The following ARHGEF18 variants were observed in gnomAD, a reference collection of about 807,000 sequenced individuals.
ARHGEF18 encodes the protein Rho/Rac guanine nucleotide exchange factor 18.
A neutral mutation model predicts 155.7 loss-of-function variants in ARHGEF18; 93 were observed. The ratio of observed to expected loss-of-function variants is 0.60; its 90% CI spans 0.50 to 0.71. ARHGEF18 has a LOEUF of 0.71. ARHGEF18 is among the 30% of genes least tolerant of loss of function. ARHGEF18 has a pLI of 0.00. For synonymous variants in ARHGEF18, 742 were observed against 753.1 expected (o/e 0.99, Z 0.24); for missense variants, 1,593 against 1,816.1 (o/e 0.88, Z 2.23).
chr19:7,455,431 G>T (rs1327793814), intron 17 of ARHGEF18, among the ~76,000 whole-genome samples: 2 of 152,192 alleles, frequency 1.3e-5, no homozygotes, highest in African/African-American at 2.4e-5. Flanking sequence ...AAGTGGCGTT[G>T]CCCTTGAAAC....
At chr19:7,413,294 CT>C (rs71179106) in intron 10 of ARHGEF18, among the ~76,000 whole-genome samples, 75,585 of 138,154 alleles carry the variant, frequency 0.55, 20,342 homozygotes, top group East Asian at 0.73. Context: ...AAACAAAAAG[CT>C]TTTTTTTTTT....
At chr19:7,411,299 T>TCCCCC (rs1568309357) in intron 10 of ARHGEF18, among the ~76,000 whole-genome samples, 1 of 67,358 alleles carries the variant, frequency 1.5e-5, no homozygotes, top group African/African-American at 4.5e-5. Context: ...TCCCCTCCCC[T>TCCCCC]TCCCTTTTCT....
chr19:7,442,020 G>A lies in ARHGEF18; in HGVS notation c.1328G>A (p.Arg443Lys). ...VDAAYAKKQK[R>K]EVVKRQDVLY... ...GCAGCCTACGCCAAGAAGCAAAAGA[G>A]GGAGGTGGTGAAAAGACAAGATGTC... The change falls in exon 13 of 29, where the codon AGG becomes AAG. Residue 443 changes from arginine (R) to lysine (K), a missense_variant. Transcript: ENST00000668164. 1.2e-6 allele frequency: 2 copies of A among 1,614,128 alleles called. No individual in the cohort carries two copies. The highest frequency in any genetic ancestry group is 1.7e-5 in the Admixed American group (1 of 60,004).
Position 7,444,241 on chromosome 19 carries a change from C to T in ARHGEF18, c.1398C>T (p.Leu466=), listed in dbSNP as rs769911618. 5 of 1,613,448 alleles carry T rather than the reference C, an allele frequency of 3.1e-6. No individual in the cohort carries two copies. The South Asian group carries it at 5.5e-5, about 18-fold the overall frequency. Residue 466 remains leucine, a synonymous_variant, in exon 14 of 29, where the codon CTC becomes CTT. Coordinates refer to ENST00000668164, the MANE Select transcript of ARHGEF18 (RefSeq NM_001367823.1). The surrounding 1 kb of genome is among the most constrained non-coding windows in gnomAD (Gnocchi z 4.7). Reference sequence around the variant, plus strand: ...CAGAGGTGCACCACGTGCGGACGCTCAAGATCATGCTGAAGGTGTACTCCA... The same window carrying T: ...CAGAGGTGCACCACGTGCGGACGCTTAAGATCATGCTGAAGGTGTACTCCA... ...MQTEVHHVRT[L]KIMLKVYSRA... is the part of the protein sequence containing the mutation.
Position 7,471,718 on chromosome 19 carries a change from G to A in ARHGEF18, c.*1420G>A, listed in dbSNP as rs1977030558. On this transcript the variant is annotated 3_prime_UTR_variant, in exon 29 of 29. Transcript: ENST00000668164. This position sits in a 1 kb window ranked among gnomAD's most constrained non-coding sequence, Gnocchi z 4.4. Reference sequence around the variant, plus strand: ...AAGGGAGGGGAAACTCCATCAGGAAGTGCTCCCCTGGGCAGAGGCGCCCAC... The same window carrying A: ...AAGGGAGGGGAAACTCCATCAGGAAATGCTCCCCTGGGCAGAGGCGCCCAC... 1 of 152,286 alleles carries A rather than the reference G, an allele frequency of 6.6e-6. No homozygotes were observed. The highest frequency in any genetic ancestry group is 2.4e-5 in the African/African-American group (1 of 41,462). The allele number at this position is 152,286 out of a possible 1,614,324, so 9.4% of individuals were successfully genotyped here. A position where few individuals can be genotyped will look rare whatever the true frequency, so the allele number is the denominator to read the frequency against.
chr19:7,421,664 G>A (rs1180675340), intron 10 of ARHGEF18, among the ~76,000 whole-genome samples: 5 of 152,034 alleles, frequency 3.3e-5, no homozygotes, highest in Non-Finnish European at 7.4e-5. Context: ...TGGGAGGCTG[G>A]GACAGGAGGA....
intron 19 of ARHGEF18, 116 bp downstream of exon 19, chr19:7,458,806 G>A (rs896904184): frequency 1.7e-6 from 2 of 1,210,140 alleles, no homozygotes; most frequent in African/African-American, 3.1e-5. Flanking sequence ...CCCAGCTTGG[G>A]ACCCATGACG....
intron 10 of ARHGEF18, among the ~76,000 whole-genome samples, chr19:7,386,437 A>T (rs559306793): frequency 1.3e-5 from 2 of 150,866 alleles, no homozygotes; most frequent in African/African-American, 4.8e-5. Context: ...CCAAGTTGCC[A>T]CGTGTCCTCT....
chr19:7,389,678 C>T (rs534022071), intron 10 of ARHGEF18, among the ~76,000 whole-genome samples: 3 of 151,878 alleles, frequency 2.0e-5, no homozygotes, highest in East Asian at 1.9e-4. Flanking sequence ...GGATTACAGG[C>T]GTATGCCACC....
chr19:7,476,754 C>A (rs531397377), downstream of ARHGEF18: 1 of 159,184 alleles, frequency 6.3e-6, no homozygotes, highest in Admixed American at 6.5e-5. Flanking sequence ...AGAGGACCCA[C>A]CGGGCTGAGG....
chr19:7,415,300 G>A (rs1486226661), intron 10 of ARHGEF18, among the ~76,000 whole-genome samples: 3 of 151,682 alleles, frequency 2.0e-5, no homozygotes. Flanking sequence ...CCTCCTGAGC[G>A]CAACACCCCG....
At chr19:7,351,825 G>T (rs959955732) in intron 1 of ARHGEF18, among the ~76,000 whole-genome samples, 1 of 151,688 alleles carries the variant, frequency 6.6e-6, no homozygotes, top group Non-Finnish European at 1.5e-5. Flanking sequence ...CTCCTGAGTA[G>T]CTGGGATTAT....
At chr19:7,435,063 G>T (rs942198672) in intron 10 of ARHGEF18, among the ~76,000 whole-genome samples, 16 of 152,116 alleles carry the variant, frequency 1.1e-4, no homozygotes, top group African/African-American at 3.9e-4. Context: ...TTAGCTGGGC[G>T]TGGTGGCAGG....
At position 7,419,536 on chromosome 19, in the gene ARHGEF18, CT is replaced by C. The variant is rs371645257; in HGVS notation, c.968-20807del. On this transcript the variant is annotated intron_variant, in intron 10 of 28. Transcript: ENST00000668164. ...CCTCCAGCCTGTCTCAGAAGGACCC[CT>C]CTCTCCCTACCCTTGCCTGCTGCAG... 1.6e-4 allele frequency among the ~76,000 whole-genome samples: 24 copies of C among 152,184 alleles called. No individual in the cohort carries two copies. The East Asian group carries it at 2.7e-3, about 17-fold the overall frequency.
intron 16 of ARHGEF18, among the ~76,000 whole-genome samples, chr19:7,451,482 C>T (rs1975466300): frequency 6.7e-6 from 1 of 148,394 alleles, no homozygotes; most frequent in Non-Finnish European, 1.5e-5. Flanking sequence ...AATCATAGCT[C>T]ATTGCACAGC....
chr19:7,458,011 G>A (rs1297211667), intron 18 of ARHGEF18, among the ~76,000 whole-genome samples: 1 of 152,032 alleles, frequency 6.6e-6, no homozygotes, highest in African/African-American at 2.4e-5. Context: ...ATACTAAGGG[G>A]CAAGATGGCT....
At chr19:7,349,979 G>T (rs549916023) in intron 1 of ARHGEF18, among the ~76,000 whole-genome samples, 5 of 152,252 alleles carry the variant, frequency 3.3e-5, no homozygotes, top group African/African-American at 9.6e-5. Context: ...GCCCTGAGAA[G>T]GGTCTTGTCC....
chr19:7,387,779 C>T (rs1248374016), intron 10 of ARHGEF18, among the ~76,000 whole-genome samples: 2 of 152,108 alleles, frequency 1.3e-5, no homozygotes, highest in South Asian at 2.1e-4. Flanking sequence ...AAGCGATTCT[C>T]ACGCCTCAGC....
chr19:7,376,758 G>A lies in ARHGEF18; in HGVS notation c.541+1G>A, dbSNP rs759785578. On this transcript the variant is annotated splice_donor_variant, in intron 5 of 28. Coordinates refer to ENST00000668164, the MANE Select transcript of ARHGEF18 (RefSeq NM_001367823.1). LOFTEE classifies it high-confidence loss of function. Reference sequence around the variant, plus strand: ...GAAGTGCCCACTCCACCTGTTCAAGGTAGCCAGCCTGGGAGTTTCCTTCAT... The same window carrying A: ...GAAGTGCCCACTCCACCTGTTCAAGATAGCCAGCCTGGGAGTTTCCTTCAT... 2 of 1,234,084 alleles carry A rather than the reference G, an allele frequency of 1.6e-6. No homozygotes were observed. The highest frequency in any genetic ancestry group is 2.0e-6 in the Non-Finnish European group (2 of 988,022). 76.4% of individuals were successfully genotyped at this position (1,234,084 alleles called of 1,614,324 possible). A position where few individuals can be genotyped will look rare whatever the true frequency, so the allele number is the denominator to read the frequency against.
Sources: allele counts gnomAD v4.1 joint callset (sites outside exome capture counted in the v4.1 genomes callset), GRCh38; gene constraint gnomAD v4.1.1; non-coding constraint Gnocchi (gnomAD v3.1); transcripts MANE v1.5; gene names NCBI Gene and HGNC (gene_info 2026-07-23, HGNC 2026-07-21).